MSI2: variants seen among roughly 807,000 people sequenced by gnomAD.
MSI2 encodes musashi RNA binding protein 2.
Under a neutral mutation model 45.6 loss-of-function variants are expected in MSI2, and 17 were observed. The observed-to-expected ratio is 0.37, with a 90% confidence interval of 0.26 to 0.56. The LOEUF is 0.56. MSI2 is among the 20% of genes least tolerant of loss of function. The pLI is 0.77. For synonymous variants in MSI2, 156 were observed against 158.2 expected, an observed-to-expected ratio of 0.99 and a Z score of 0.11; for missense variants, 293 against 444.2, an observed-to-expected ratio of 0.66 and a Z score of 3.06.
chr17:57,508,145 G>A (rs1008809415), intron 6 of MSI2, among the ~76,000 whole-genome samples: 1 of 152,196 alleles, frequency 6.6e-6, no homozygotes, highest in Non-Finnish European at 1.5e-5. Context: ...GGCCAGGACA[G>A]AGGAAAGCCA....
chr17:57,607,121 T>A (rs150020073), intron 8 of MSI2, among the ~76,000 whole-genome samples: 62 of 152,340 alleles, frequency 4.1e-4, no homozygotes, highest in African/African-American at 1.4e-3. Context: ...CTTTGAGGAC[T>A]TCTGTGTGCC....
chr17:57,452,512 G>A (rs944958917), intron 6 of MSI2, among the ~76,000 whole-genome samples: 6 of 152,204 alleles, frequency 3.9e-5, no homozygotes, highest in Non-Finnish European at 5.9e-5. Flanking sequence ...AGGGGCAGCC[G>A]AACTGTTGCA....
chr17:57,624,023 G>T (rs1908557833), intron 9 of MSI2, among the ~76,000 whole-genome samples: 2 of 152,184 alleles, frequency 1.3e-5, no homozygotes, highest in Non-Finnish European at 2.9e-5. Context: ...CAGGAAGAGT[G>T]GGGTGAGACC....
chr17:57,556,964 G>A (rs1281819982), intron 7 of MSI2, among the ~76,000 whole-genome samples: 5 of 152,146 alleles, frequency 3.3e-5, no homozygotes, highest in South Asian at 2.1e-4. Flanking sequence ...TGGAAGCACC[G>A]GGTGTGGGAT....
intron 6 of MSI2, among the ~76,000 whole-genome samples, chr17:57,491,773 C>T (rs1325248130): frequency 6.6e-6 from 1 of 152,168 alleles, no homozygotes; most frequent in East Asian, 1.9e-4. Context: ...TTCACGACTG[C>T]TCTAATGATA....
chr17:57,362,647 G>A (rs535883001), intron 5 of MSI2, among the ~76,000 whole-genome samples: 7 of 151,980 alleles, frequency 4.6e-5, no homozygotes, highest in Non-Finnish European at 8.8e-5. Context: ...GGTTCTAGGG[G>A]GGAAAAAAGT....
intron 6 of MSI2, among the ~76,000 whole-genome samples, chr17:57,435,983 T>C (rs561628930): frequency 1.3e-5 from 2 of 152,284 alleles, no homozygotes; most frequent in South Asian, 4.1e-4. Flanking sequence ...AGAGCCCAGG[T>C]CTGCTGGACC....
chr17:57,356,141 C>G (rs1326095929), intron 5 of MSI2, among the ~76,000 whole-genome samples: 2 of 152,156 alleles, frequency 1.3e-5, no homozygotes, highest in Non-Finnish European at 2.9e-5. Context: ...TCCCAAAGTG[C>G]TGGGATTACA....
intron 7 of MSI2, among the ~76,000 whole-genome samples, chr17:57,591,590 G>A (rs1904833581): frequency 6.6e-6 from 1 of 151,926 alleles, no homozygotes; most frequent in Admixed American, 6.6e-5. Flanking sequence ...AGCCAGGCAT[G>A]GTGGCACACA....
chr17:57,632,214 G>A (rs1909445577), intron 10 of MSI2: 1 of 1,112,448 alleles, frequency 9.0e-7, no homozygotes, highest in African/African-American at 1.7e-5. Context: ...ACATATCATG[G>A]GGTGAGCTTT....
chr17:57,646,529 A>G (rs1383371912), intron 10 of MSI2, among the ~76,000 whole-genome samples: 1 of 152,208 alleles, frequency 6.6e-6, no homozygotes, highest in African/African-American at 2.4e-5. Flanking sequence ...AGATGAAGGG[A>G]CGTTAGAGGT....
chr17:57,361,030 C>T (rs1261488952), intron 5 of MSI2, among the ~76,000 whole-genome samples: 1 of 152,316 alleles, frequency 6.6e-6, no homozygotes. Context: ...TCAGGAGTAT[C>T]TCCCATCTGC....
At chr17:57,655,058 G>A (rs762133949) in intron 11 of MSI2, among the ~76,000 whole-genome samples, 14 of 152,076 alleles carry the variant, frequency 9.2e-5, no homozygotes, top group African/African-American at 1.7e-4. Context: ...TATGGTGTCA[G>A]GGTAGGAGGT....
chr17:57,470,607 C>A (rs2586224), intron 6 of MSI2, among the ~76,000 whole-genome samples: 117,596 of 152,138 alleles, frequency 0.77, 46,002 homozygotes, highest in East Asian at 0.91. Context: ...ATAGATGAGT[C>A]CCCCAAAAGC....
intron 6 of MSI2, among the ~76,000 whole-genome samples, chr17:57,460,795 G>A (rs568626948): frequency 2.6e-5 from 4 of 152,240 alleles, no homozygotes; most frequent in African/African-American, 9.6e-5. Context: ...CCATTGAGCC[G>A]AGAAGGGAGA....
chr17:57,526,356 G>GGGGTGT (rs1342100756), intron 6 of MSI2, among the ~76,000 whole-genome samples: 17 of 122,610 alleles, frequency 1.4e-4, no homozygotes, highest in East Asian at 5.1e-4. Context: ...GATATACCTG[G>GGGGTGT]GTGTGTGTGT....
intron 6 of MSI2, among the ~76,000 whole-genome samples, chr17:57,495,550 A>G (rs2085962699): frequency 6.6e-6 from 1 of 150,662 alleles, no homozygotes. Context: ...AAAAAAAAAA[A>G]AAGAAAGCTT....
intron 6 of MSI2, among the ~76,000 whole-genome samples, chr17:57,419,846 C>T (rs17761509): frequency 0.054 from 8,287 of 152,280 alleles, 370 homozygotes; most frequent in South Asian, 0.15. Flanking sequence ...TCGGTCAGGA[C>T]GCCGTGGACC....
intron 6 of MSI2, among the ~76,000 whole-genome samples, chr17:57,457,722 C>T (rs1443660628): frequency 2.6e-5 from 4 of 151,880 alleles, no homozygotes; most frequent in Admixed American, 2.6e-4. Flanking sequence ...TAGCAAAACT[C>T]TATCTCTACA....
Sources: gnomAD v4.1 joint callset for allele counts (sites outside exome capture counted in the v4.1 genomes callset) on GRCh38, gnomAD v4.1.1 for gene constraint, MANE v1.5 for transcripts, NCBI Gene and HGNC (gene_info 2026-07-23, HGNC 2026-07-21) for gene names.